The following NEXMIF variants were observed in gnomAD, a reference collection of about 807,000 sequenced individuals.
The protein encoded by NEXMIF is XLMR protein related to neurite extension.
In NEXMIF, 8 loss-of-function variants were observed where a neutral mutation model predicts 62.1. The observed-to-expected ratio is 0.13, with a 90% confidence interval of 0.08 to 0.23. The LOEUF is 0.23. NEXMIF is among the 10% of genes least tolerant of loss of function. The pLI is 1.00. For missense variants in NEXMIF, 976 were observed against 1,113.3 expected (o/e 0.88, Z 1.75); for synonymous variants, 404 against 416.6 (o/e 0.97, Z 0.37).
chrX:74,922,255 A>G (rs181541701), intron 1 of NEXMIF, among the ~76,000 whole-genome samples: 1 of 111,897 alleles, frequency 8.9e-6, no homozygotes, highest in Non-Finnish European at 1.9e-5. Context: ...GAAAAAAGAA[A>G]AAGAGGGAAA....
chrX:74,903,745 T>G (rs1452269899), intron 1 of NEXMIF, among the ~76,000 whole-genome samples: 2 of 111,882 alleles, frequency 1.8e-5, no homozygotes, highest in Admixed American at 1.9e-4. Context: ...ATTGCTTCAC[T>G]GTTTCAAACA....
intron 1 of NEXMIF, among the ~76,000 whole-genome samples, chrX:74,812,689 T>C (rs1345564561): frequency 1.8e-5 from 2 of 111,437 alleles, no homozygotes; most frequent in Non-Finnish European, 3.8e-5. Context: ...AAAGAAAAGC[T>C]AAGTACAAGA....
At chrX:74,816,134 C>T (rs1360669312) in intron 1 of NEXMIF, among the ~76,000 whole-genome samples, 1 of 111,852 alleles carries the variant, frequency 8.9e-6, no homozygotes, top group Non-Finnish European at 1.9e-5. Flanking sequence ...GTTTTCTCCA[C>T]TAACCTAGCT....
intron 1 of NEXMIF, among the ~76,000 whole-genome samples, chrX:74,768,991 G>A (rs1283450135): frequency 1.8e-5 from 2 of 111,446 alleles, no homozygotes; most frequent in Non-Finnish European, 3.8e-5. Flanking sequence ...AGTCATGTTG[G>A]GCATGTTTTT....
At chrX:74,909,823 C>T (rs1446102761) in intron 1 of NEXMIF, among the ~76,000 whole-genome samples, 1 of 112,071 alleles carries the variant, frequency 8.9e-6, no homozygotes. Flanking sequence ...CCAGCTGTTG[C>T]TAAAAGGGGC....
intron 2 of NEXMIF, among the ~76,000 whole-genome samples, chrX:74,744,837 G>A (rs1210542850): frequency 9.1e-6 from 1 of 109,881 alleles, no homozygotes; most frequent in African/African-American, 3.3e-5. Flanking sequence ...GCTCAGGCCT[G>A]TCCTCCAGAT....
At chrX:74,825,528 C>G (rs1369524585) in intron 1 of NEXMIF, among the ~76,000 whole-genome samples, 2 of 111,935 alleles carry the variant, frequency 1.8e-5, no homozygotes, top group Non-Finnish European at 3.8e-5. Flanking sequence ...ATAATGGCCT[C>G]CAGCAACCAT....
intron 1 of NEXMIF, among the ~76,000 whole-genome samples, chrX:74,789,552 T>C (rs1479518745): frequency 2.7e-5 from 3 of 111,397 alleles, no homozygotes; most frequent in Non-Finnish European, 5.7e-5. Context: ...ATTGCCACAC[T>C]GACTTCCACA....
chrX:74,822,029 G>T (rs1429867234), intron 1 of NEXMIF, among the ~76,000 whole-genome samples: 1 of 111,628 alleles, frequency 9.0e-6, no homozygotes, highest in Admixed American at 9.6e-5. Context: ...GATTACAGGA[G>T]TGAGCCATCA....
intron 1 of NEXMIF, among the ~76,000 whole-genome samples, chrX:74,778,923 G>A (rs1247337598): frequency 4.5e-5 from 5 of 111,710 alleles, no homozygotes; most frequent in Middle Eastern, 9.3e-3. Flanking sequence ...CACTGTGCCC[G>A]GCTGATCTCA....
intron 1 of NEXMIF, among the ~76,000 whole-genome samples, chrX:74,873,055 A>C (rs1237471003): frequency 9.2e-6 from 1 of 109,160 alleles, no homozygotes; most frequent in Non-Finnish European, 1.9e-5. Flanking sequence ...TTCATTACTT[A>C]TGTATACATG....
intron 1 of NEXMIF, among the ~76,000 whole-genome samples, chrX:74,913,196 A>G (rs1349537939): frequency 8.9e-6 from 1 of 112,341 alleles, no homozygotes; most frequent in Non-Finnish European, 1.9e-5. Context: ...TGTTTCAATA[A>G]GTAATTAGAA....
chrX:74,879,271 T>C (rs1300008074), intron 1 of NEXMIF, among the ~76,000 whole-genome samples: 2 of 112,070 alleles, frequency 1.8e-5, no homozygotes, highest in East Asian at 5.6e-4. Context: ...GATGCATGAC[T>C]GTATTGAATA....
At chrX:74,780,407 G>C (rs1353377798) in intron 1 of NEXMIF, among the ~76,000 whole-genome samples, 1 of 105,505 alleles carries the variant, frequency 9.5e-6, no homozygotes, top group East Asian at 3.0e-4. Flanking sequence ...GATGGGGTCT[G>C]GCTCTGTCAC....
chrX:74,833,308 T>A (rs902231841), intron 1 of NEXMIF, among the ~76,000 whole-genome samples: 7 of 112,033 alleles, frequency 6.2e-5, no homozygotes, highest in African/African-American at 2.3e-4. Flanking sequence ...GCATATATAT[T>A]TACAATCGTT....
intron 1 of NEXMIF, among the ~76,000 whole-genome samples, chrX:74,769,444 A>C (rs750584812): frequency 8.9e-6 from 1 of 111,975 alleles, no homozygotes; most frequent in Admixed American, 9.5e-5. Context: ...ATTAAGTGCA[A>C]ATATAACCTG....
chrX:74,901,031 G>A (rs2886754), intron 1 of NEXMIF, among the ~76,000 whole-genome samples: 14,362 of 110,969 alleles, frequency 0.13, 1,566 homozygotes, highest in East Asian at 0.9. Flanking sequence ...TGTTTAATGG[G>A]TACAGAGTTT....
chrX:74,804,122 A>G (rs750447878), intron 1 of NEXMIF, among the ~76,000 whole-genome samples: 1 of 112,539 alleles, frequency 8.9e-6, no homozygotes, highest in African/African-American at 3.2e-5. Flanking sequence ...AGATAGTACA[A>G]TAAGATATAA....
chrX:74,739,536 G>C (rs1232887257), intron 3 of NEXMIF, 38 bp from the exon 4 acceptor site: 2 of 925,509 alleles, frequency 2.2e-6, no homozygotes, highest in Non-Finnish European at 3.1e-6. Context: ...ATCTGAGTTA[G>C]TTTTAGTGTA....
Sources: allele counts gnomAD v4.1 joint callset (sites outside exome capture counted in the v4.1 genomes callset), GRCh38; gene constraint gnomAD v4.1.1; transcripts MANE v1.5; gene names NCBI Gene and HGNC (gene_info 2026-07-23, HGNC 2026-07-21).